Variants in CNTNAP2 observed in about 807,000 individuals in gnomAD.
CNTNAP2 encodes the protein contactin-associated protein-like 2.
In CNTNAP2, 98 loss-of-function variants were observed where a neutral mutation model predicts 155.2. The observed-to-expected ratio is 0.63, with a 90% CI of 0.54 to 0.75. The LOEUF (loss-of-function observed/expected upper bound fraction) is 0.75, where lower values mean the gene tolerates loss of function less well. Ranked by LOEUF, CNTNAP2 falls within the 30% of genes least tolerant of loss-of-function variation. The pLI, the probability that CNTNAP2 is intolerant of heterozygous loss-of-function variation, is 0.00. For missense variants in CNTNAP2, 1,727 were observed against 1,688.1 expected, an observed-to-expected ratio of 1.02 and a Z score of -0.40; for synonymous variants, 651 against 631.2, an observed-to-expected ratio of 1.03 and a Z score of -0.47.
chr7:147,821,463 G>A (rs1187815824), intron 13 of CNTNAP2, among the ~76,000 whole-genome samples: 1 of 151,920 alleles, frequency 6.6e-6, no homozygotes, highest in Non-Finnish European at 1.5e-5. Flanking sequence ...TCCAGTGGAG[G>A]GAAAACACAA....
intron 1 of CNTNAP2, among the ~76,000 whole-genome samples, chr7:146,696,349 G>A (rs1587045): frequency 0.1 from 15,597 of 152,044 alleles, 1,943 homozygotes; most frequent in African/African-American, 0.3. Flanking sequence ...ATTTCTTAAT[G>A]TCTATGAAGT....
intron 15 of CNTNAP2, among the ~76,000 whole-genome samples, chr7:148,112,907 T>C (rs943640161): frequency 1.3e-5 from 2 of 151,888 alleles, no homozygotes; most frequent in Admixed American, 1.3e-4. Flanking sequence ...GAGTTAAAAG[T>C]GTGAGAAGGT....
At chr7:146,253,337 C>G (rs1266128792) in intron 1 of CNTNAP2, among the ~76,000 whole-genome samples, 1 of 152,208 alleles carries the variant, frequency 6.6e-6, no homozygotes, top group South Asian at 2.1e-4. Context: ...AGACGCAGTC[C>G]TCTGCCACCT....
At chr7:147,395,184 T>C (rs147629639) in intron 9 of CNTNAP2, among the ~76,000 whole-genome samples, 1 of 151,988 alleles carries the variant, frequency 6.6e-6, no homozygotes, top group Non-Finnish European at 1.5e-5. Context: ...ATTAAGAAAA[T>C]AGAAATAAAT....
At chr7:146,133,333 G>C (rs1372993538) in intron 1 of CNTNAP2, among the ~76,000 whole-genome samples, 1 of 151,878 alleles carries the variant, frequency 6.6e-6, no homozygotes, top group Non-Finnish European at 1.5e-5. Context: ...AGATGAGTAG[G>C]TTGTGAAAAT....
intron 13 of CNTNAP2, among the ~76,000 whole-genome samples, chr7:147,673,334 T>C (rs1436393373): frequency 2.6e-5 from 4 of 152,202 alleles, no homozygotes; most frequent in African/African-American, 9.6e-5. Flanking sequence ...ATCATTCATG[T>C]TCTGAGCGCT....
At chr7:146,973,424 A>G (rs1420447622) in intron 3 of CNTNAP2, among the ~76,000 whole-genome samples, 1 of 152,224 alleles carries the variant, frequency 6.6e-6, no homozygotes, top group Admixed American at 6.5e-5. Context: ...TTCACACTGA[A>G]AGTACTATTA....
At chr7:147,532,474 C>T (rs1215470946) in intron 11 of CNTNAP2, among the ~76,000 whole-genome samples, 1 of 152,174 alleles carries the variant, frequency 6.6e-6, no homozygotes, top group Non-Finnish European at 1.5e-5. Flanking sequence ...CCAAACTTTC[C>T]CACATTTTCT....
At chr7:148,385,120 TG>T (rs1799162342) in intron 22 of CNTNAP2, among the ~76,000 whole-genome samples, 1 of 152,178 alleles carries the variant, frequency 6.6e-6, no homozygotes, top group Non-Finnish European at 1.5e-5. Context: ...GTGCAGCCAT[TG>T]TCATTGTGAT....
intron 9 of CNTNAP2, among the ~76,000 whole-genome samples, chr7:147,309,513 T>A (rs886580365): frequency 6.6e-6 from 1 of 152,158 alleles, no homozygotes; most frequent in African/African-American, 2.4e-5. Context: ...TTAGTATTTT[T>A]AATATTTTCC....
intron 2 of CNTNAP2, among the ~76,000 whole-genome samples, chr7:146,818,425 G>C (rs1229556897): frequency 6.6e-6 from 1 of 152,048 alleles, no homozygotes; most frequent in Non-Finnish European, 1.5e-5. Context: ...TTTCTGTTTA[G>C]CATATTTTTT....
intron 9 of CNTNAP2, among the ~76,000 whole-genome samples, chr7:147,347,479 TATATATATATATGC>T (rs1563169416): frequency 1.1e-5 from 1 of 90,750 alleles, no homozygotes; most frequent in African/African-American, 3.1e-5. Context: ...TATATATGCA[TATATATATATATGC>T]ATATATATGT....
chr7:146,901,604 T>G (rs1343587167), intron 3 of CNTNAP2, among the ~76,000 whole-genome samples: 1 of 152,192 alleles, frequency 6.6e-6, no homozygotes, highest in East Asian at 1.9e-4. Flanking sequence ...TCTAGATTCC[T>G]TATGGAATTT....
At chr7:146,390,124 T>C (rs1406060529) in intron 1 of CNTNAP2, among the ~76,000 whole-genome samples, 1 of 152,292 alleles carries the variant, frequency 6.6e-6, no homozygotes, top group East Asian at 1.9e-4. Flanking sequence ...CCAAAAGTAA[T>C]TGTGCAATAT....
At chr7:147,659,478 C>G (rs11971876) in intron 13 of CNTNAP2, among the ~76,000 whole-genome samples, 8,590 of 152,250 alleles carry the variant, frequency 0.056, 831 homozygotes, top group African/African-American at 0.19. Flanking sequence ...ATACTACCAA[C>G]ATAGAGGAAA....
At position 146,674,008 on chromosome 7, in the gene CNTNAP2, G is replaced by A. The variant is rs553295464; in HGVS notation, c.98-100263G>A. Among the ~76,000 whole-genome samples, 21 of 152,164 alleles carry A rather than the reference G, an allele frequency of 1.4e-4. No individual in the cohort carries two copies. In the East Asian group the frequency reaches 2.1e-3, roughly 15 times the overall value. On this transcript the variant is annotated intron_variant, in intron 1 of 23. Transcript: ENST00000361727. Reference sequence around the variant, plus strand: ...TTACTGTTATGAATACTTTTAGTTCGTCCCTGGCAGAGGTGCTAAATTTCA... The same window carrying A: ...TTACTGTTATGAATACTTTTAGTTCATCCCTGGCAGAGGTGCTAAATTTCA...
intron 1 of CNTNAP2, among the ~76,000 whole-genome samples, chr7:146,357,646 T>C (rs1326482964): frequency 2.0e-5 from 3 of 152,314 alleles, no homozygotes; most frequent in Admixed American, 1.3e-4. Flanking sequence ...AAAATGTCTC[T>C]ATTAACATTT....
At chr7:146,857,394 A>G (rs1795011747) in intron 3 of CNTNAP2, among the ~76,000 whole-genome samples, 1 of 152,244 alleles carries the variant, frequency 6.6e-6, no homozygotes, top group East Asian at 1.9e-4. Flanking sequence ...ATCCAGCATT[A>G]GAAACACATT....
intron 14 of CNTNAP2, among the ~76,000 whole-genome samples, chr7:147,922,687 G>C (rs1378945655): frequency 6.6e-6 from 1 of 152,120 alleles, no homozygotes; most frequent in African/African-American, 2.4e-5. Context: ...AACGTTTCTT[G>C]TGGCTGCCCA....
Sources: gnomAD v4.1 joint callset for allele counts (sites outside exome capture counted in the v4.1 genomes callset) on GRCh38, gnomAD v4.1.1 for gene constraint, MANE v1.5 for transcripts, NCBI Gene and HGNC (gene_info 2026-07-23, HGNC 2026-07-21) for gene names.